Variants in AJAP1 observed in about 807,000 individuals in gnomAD.
AJAP1 encodes adherens junction-associated protein 1.
AJAP1 carries 5 observed loss-of-function variants against 35.0 expected under a neutral mutation model. That is an observed-to-expected ratio of 0.14 (90% CI 0.07 to 0.30). The LOEUF (loss-of-function observed/expected upper bound fraction) is 0.30. Among genes scored for constraint, AJAP1 ranks in the 10% least tolerant of loss-of-function variants. The pLI is 1.00. For missense variants in AJAP1, 586 were observed against 571.0 expected, an observed-to-expected ratio of 1.03 and a Z score of -0.27; for synonymous variants, 284 against 249.3, an observed-to-expected ratio of 1.14 and a Z score of -1.31.
intron 2 of AJAP1, among the ~76,000 whole-genome samples, chr1:4,747,090 G>T (rs1641205284): frequency 6.6e-6 from 1 of 152,218 alleles, no homozygotes; most frequent in South Asian, 2.1e-4. Flanking sequence ...CCAGACGTCA[G>T]CCAGAGCCAA....
At chr1:4,684,193 C>T (rs533239587) in intron 1 of AJAP1, among the ~76,000 whole-genome samples, 6 of 152,266 alleles carry the variant, frequency 3.9e-5, no homozygotes, top group South Asian at 2.1e-4. Context: ...ATGTGCAGGG[C>T]GGGAATGCAT....
At chr1:4,736,829 C>T (rs1640937261) in intron 2 of AJAP1, among the ~76,000 whole-genome samples, 2 of 152,160 alleles carry the variant, frequency 1.3e-5, no homozygotes, top group African/African-American at 2.4e-5. Flanking sequence ...TTGGAGTGCA[C>T]AGCTTGGGTG....
chr1:4,779,181 A>G (rs1411907888), intron 5 of AJAP1, among the ~76,000 whole-genome samples: 1 of 152,106 alleles, frequency 6.6e-6, no homozygotes, highest in South Asian at 2.1e-4. Context: ...AACCTGAAGG[A>G]TTTGAGGCTT....
intron 4 of AJAP1, among the ~76,000 whole-genome samples, chr1:4,773,483 C>G (rs1641883757): frequency 6.6e-6 from 1 of 152,228 alleles, no homozygotes. Context: ...TACCTTCTGG[C>G]CACGCCTCTT....
In AJAP1 at chr1:4,783,184, T is replaced by C. The variant is rs1440567011; in HGVS notation, c.*699T>C. The C allele has an allele frequency of 4.8e-6, 1 of 206,958 alleles. No individual in the cohort carries two copies. Among genetic ancestry groups the C allele is most frequent in the Non-Finnish European group, 9.5e-6 (1 of 104,924 alleles). The allele number at this position is 206,958 out of a possible 1,614,324, so 12.8% of individuals were successfully genotyped here. A position where few individuals can be genotyped will look rare whatever the true frequency, so the allele number is the denominator to read the frequency against. On this transcript the variant is annotated 3_prime_UTR_variant, in exon 6 of 6. Coordinates refer to ENST00000378191, the MANE Select transcript of AJAP1 (RefSeq NM_018836.4). Reference sequence around the variant, plus strand: ...CAGAATAAACCAGTGTTTTCTACTTTGGCAACTCACGTCACACACATATTA... The same window carrying C: ...CAGAATAAACCAGTGTTTTCTACTTCGGCAACTCACGTCACACACATATTA...
intron 1 of AJAP1, among the ~76,000 whole-genome samples, chr1:4,690,421 C>T (rs551485185): frequency 3.3e-5 from 5 of 152,350 alleles, no homozygotes; most frequent in Admixed American, 2.6e-4. Flanking sequence ...GCAGCCCCCA[C>T]AGCTACGCCC....
At chr1:4,762,264 T>C (rs915673729) in intron 2 of AJAP1, among the ~76,000 whole-genome samples, 1 of 152,194 alleles carries the variant, frequency 6.6e-6, no homozygotes, top group Non-Finnish European at 1.5e-5. Flanking sequence ...CCCAAAGAAA[T>C]GTCCTTGCCC....
Position 4,655,399 on chromosome 1 carries a change from T to C in AJAP1, c.-27T>C, listed in dbSNP as rs1293639759. Reference sequence around the variant, plus strand: ...GCAGATGGCCTGGGCGAGCCAGGTCTGAGGCCCCGCTCCCCGAAACGTGAC... The same window carrying C: ...GCAGATGGCCTGGGCGAGCCAGGTCCGAGGCCCCGCTCCCCGAAACGTGAC... On this transcript the variant is annotated 5_prime_UTR_variant, in exon 1 of 6. The change abolishes the stop of an existing upstream ORF in the 5' untranslated region. Coordinates refer to ENST00000378191, the MANE Select transcript of AJAP1 (RefSeq NM_018836.4). This position sits in a 1 kb window ranked among gnomAD's most constrained non-coding sequence, Gnocchi z 6.9. The C allele has an allele frequency of 1.8e-5, 28 of 1,553,428 alleles. No homozygotes were observed. In the Admixed American group the frequency reaches 5.2e-4, roughly 29 times the overall value.
chr1:4,779,233 GGAA>G (rs752101716), intron 5 of AJAP1, among the ~76,000 whole-genome samples: 20 of 152,178 alleles, frequency 1.3e-4, no homozygotes, highest in Admixed American at 5.9e-4. Flanking sequence ...AACGTAGAGA[GGAA>G]GAAGAAGAGG....
chr1:4,695,128 T>C lies in AJAP1; in HGVS notation c.30-16772T>C, dbSNP rs182457630. On this transcript the variant is annotated intron_variant, in intron 1 of 5. Transcript: ENST00000378191. ...GAGGGTGCTGTGGGCATTGTGTGGA[T>C]GGAGGCAGGGATGCTACCCTCCCTA... Among the ~76,000 whole-genome samples, 13 of 152,110 alleles carry C rather than the reference T, an allele frequency of 8.5e-5. No homozygotes were observed. The South Asian group carries it at 2.5e-3, about 29-fold the overall frequency.
intron 2 of AJAP1, among the ~76,000 whole-genome samples, chr1:4,715,186 C>A (rs1032873167): frequency 6.6e-6 from 1 of 152,214 alleles, no homozygotes; most frequent in Non-Finnish European, 1.5e-5. Flanking sequence ...GAACACTACT[C>A]ACACTTCTCA....
chr1:4,681,484 T>A (rs1376100276), intron 1 of AJAP1, among the ~76,000 whole-genome samples: 1 of 152,144 alleles, frequency 6.6e-6, no homozygotes, highest in Non-Finnish European at 1.5e-5. Flanking sequence ...TAGGCAGTAA[T>A]TTGTGTGCCT....
At chr1:4,758,299 A>G (rs1007451455) in intron 2 of AJAP1, among the ~76,000 whole-genome samples, 6 of 152,198 alleles carry the variant, frequency 3.9e-5, no homozygotes, top group Non-Finnish European at 7.3e-5. Context: ...AGAAAGAAGC[A>G]TCAGGGGCTG....
At position 4,788,081 on chromosome 1, in the gene AJAP1, C is replaced by A. The variant is rs754095429; in HGVS notation, c.*5596C>A. 8 of 248,916 alleles carry A rather than the reference C, an allele frequency of 3.2e-5. No homozygotes were observed. Among genetic ancestry groups the A allele is most frequent in the Non-Finnish European group, 5.6e-5 (7 of 124,390 alleles). The allele number at this position is 248,916 out of a possible 1,614,324, so 15.4% of individuals were successfully genotyped here. A position where few individuals can be genotyped will look rare whatever the true frequency, so the allele number is the denominator to read the frequency against. Reference sequence around the variant, plus strand: ...CATCATCTGAGGATCTTTGATTATTCTTCCCCACTTATTGTACATTGATGT... The same window carrying A: ...CATCATCTGAGGATCTTTGATTATTATTCCCCACTTATTGTACATTGATGT... On this transcript the variant is annotated 3_prime_UTR_variant, in exon 6 of 6. Coordinates refer to ENST00000378191, the MANE Select transcript of AJAP1 (RefSeq NM_018836.4).
chr1:4,739,262 C>T lies in AJAP1; in HGVS notation c.829+26563C>T, dbSNP rs150954176. On this transcript the variant is annotated intron_variant, in intron 2 of 5. Coordinates refer to ENST00000378191, the MANE Select transcript of AJAP1 (RefSeq NM_018836.4). ...CCCACTTTGCTCACAATGCTGCAAA[C>T]CTGCGTAATAATTCCCACTTTGCCC... Among the ~76,000 whole-genome samples, 9 of 152,320 alleles carry T rather than the reference C, an allele frequency of 5.9e-5. No individual in the cohort carries two copies. The East Asian group carries it at 1.4e-3, about 23-fold the overall frequency.
intron 4 of AJAP1, 23 bp from the exon 5 acceptor site, chr1:4,774,404 G>A (rs1483319136): frequency 6.2e-7 from 1 of 1,612,830 alleles, no homozygotes; most frequent in East Asian, 2.2e-5. Context: ...GCACGCCAAA[G>A]CCCATTTTTC....
intron 5 of AJAP1, among the ~76,000 whole-genome samples, chr1:4,777,062 C>T (rs904039003): frequency 6.6e-6 from 1 of 152,184 alleles, no homozygotes; most frequent in East Asian, 1.9e-4. Flanking sequence ...CGGGACAGAC[C>T]GTTTACCACT....
At chr1:4,770,763 G>C (rs1641816465) in intron 3 of AJAP1, among the ~76,000 whole-genome samples, 1 of 152,184 alleles carries the variant, frequency 6.6e-6, no homozygotes, top group African/African-American at 2.4e-5. Context: ...GAAAGAGAGA[G>C]AAAAAGCCAG....
In AJAP1 at chr1:4,702,049, C is replaced by T. The variant is rs80272293; in HGVS notation, c.30-9851C>T. ...TTCTAGTATATCCTCAGTGTTCTGA[C>T]ATGTCCTCAGTGTTCTAACGTGTCC... is the stretch of plus-strand genomic sequence containing the variant. On this transcript the variant is annotated intron_variant, in intron 1 of 5. Transcript: ENST00000378191. Among the ~76,000 whole-genome samples the T allele has an allele frequency of 6.3e-3, 956 of 152,118 alleles. 6 individuals carry two copies. The highest frequency in any genetic ancestry group is 0.01 in the Middle Eastern group (3 of 294).
Sources: gnomAD v4.1 joint callset for allele counts (sites outside exome capture counted in the v4.1 genomes callset) on GRCh38, gnomAD v4.1.1 for gene constraint, Gnocchi (gnomAD v3.1) non-coding constraint, MANE v1.5 for transcripts, NCBI Gene and HGNC (gene_info 2026-07-23, HGNC 2026-07-21) for gene names.